LAMA2: variants seen among roughly 807,000 people sequenced by gnomAD.
LAMA2 encodes laminin subunit alpha-2.
LAMA2 carries 269 observed loss-of-function variants against 364.8 expected under a neutral mutation model. The ratio of observed to expected loss-of-function variants is 0.74; its 90% CI spans 0.67 to 0.82. The LOEUF is 0.82. Ranked by LOEUF, LAMA2 falls within the 40% of genes least tolerant of loss-of-function variation. The pLI is 0.00. For missense variants in LAMA2, 3,807 were observed against 3,873.2 expected, an observed-to-expected ratio of 0.98 and a Z score of 0.45; for synonymous variants, 1,379 against 1,370.6, an observed-to-expected ratio of 1.01 and a Z score of -0.14.
intron 1 of LAMA2, among the ~76,000 whole-genome samples, chr6:128,922,871 G>T (rs1365534549): frequency 8.5e-5 from 13 of 152,082 alleles, no homozygotes; most frequent in African/African-American, 2.9e-4. Flanking sequence ...AATCCATCTT[G>T]AATTGATTTT....
chr6:129,514,481 A>G lies in LAMA2; in HGVS notation c.9097A>G (p.Ile3033Val), dbSNP rs377631865. 1.8e-5 allele frequency: 29 copies of G among 1,613,964 alleles called. No homozygotes were observed. Among genetic ancestry groups the G allele is most frequent in the East Asian group, 1.3e-4 (6 of 44,882 alleles). ...ATGGCATAAAGTCACTGCCAACAAG[A>G]TCAAACACCGCATTGAGCTCACAGT... is the stretch of plus-strand genomic sequence containing the variant. ...GQWHKVTANKIKHRIELTVDG... is the reference protein window; with the variant it reads ...GQWHKVTANKVKHRIELTVDG... The change falls in exon 64 of 65, where the codon ATC (isoleucine) becomes GTC (valine). Residue 3033 changes from isoleucine to valine, a missense_variant. Ile to Val is a conservative substitution (Grantham distance 29). Transcript: ENST00000421865.
chr6:129,110,410 T>A (rs1776082699), intron 4 of LAMA2, among the ~76,000 whole-genome samples: 2 of 152,082 alleles, frequency 1.3e-5, no homozygotes, highest in South Asian at 4.1e-4. Flanking sequence ...CTAGATTTGC[T>A]GGTTATTATC....
At chr6:129,032,753 A>G (rs144784939) in intron 1 of LAMA2, among the ~76,000 whole-genome samples, 5 of 152,178 alleles carry the variant, frequency 3.3e-5, no homozygotes, top group Non-Finnish European at 7.4e-5. Context: ...GGCCCCAAGT[A>G]TTGGCAATGA....
intron 31 of LAMA2, among the ~76,000 whole-genome samples, chr6:129,351,901 G>A (rs1007552077): frequency 2.0e-5 from 3 of 152,122 alleles, no homozygotes; most frequent in African/African-American, 2.4e-5. Flanking sequence ...GTCACAAATC[G>A]TTTTCTTCAT....
At position 129,280,142 on chromosome 6, in the gene LAMA2, T is replaced by A; in HGVS notation, c.2532T>A (p.Cys844Ter). 6.2e-7 allele frequency: 1 copy of A among 1,601,890 alleles called. No homozygotes were observed. Among genetic ancestry groups the A allele is most frequent in the South Asian group, 1.1e-5 (1 of 90,850 alleles). Reference sequence around the variant, plus strand: ...CTGTCGGGTACACAGGACCACGCTGTGAGAGGTAAGAGTATACTACACTGT... The same window carrying A: ...CTGTCGGGTACACAGGACCACGCTGAGAGAGGTAAGAGTATACTACACTGT... ...GCPVGYTGPR[C>*]ERCAEGYFGQ... Residue 844 changes from cysteine (C) to a stop codon, truncating the protein, a stop_gained, in exon 18 of 65, where the codon TGT becomes TGA. Coordinates refer to ENST00000421865, the MANE Select transcript of LAMA2 (RefSeq NM_000426.4). LOFTEE classifies it high-confidence loss of function.
In LAMA2 at chr6:129,004,428, A is replaced by G. The variant is rs1196034166; in HGVS notation, c.113-45490A>G. On this transcript the variant is annotated intron_variant, in intron 1 of 64. Coordinates refer to ENST00000421865, the MANE Select transcript of LAMA2 (RefSeq NM_000426.4). ...TAATAAAAAAAAAAAAAAAAAAAAA[A>G]AAGAAGTATGATGACAAATGGTCAT... Among the ~76,000 whole-genome samples, 6 of 61,548 alleles carry G rather than the reference A, an allele frequency of 9.7e-5. 1 individual carries two copies. Among genetic ancestry groups the G allele is most frequent in the Non-Finnish European group, 1.5e-4 (5 of 32,890 alleles). 40.4% of individuals were successfully genotyped at this position (61,548 alleles called of 152,430 possible).
chr6:129,011,481 G>T (rs749169956), intron 1 of LAMA2, among the ~76,000 whole-genome samples: 3 of 152,136 alleles, frequency 2.0e-5, no homozygotes, highest in African/African-American at 2.4e-5. Context: ...AAATAACCGT[G>T]ACTTGTCCTT....
At chr6:129,167,539 A>C (rs1005339228) in intron 9 of LAMA2, among the ~76,000 whole-genome samples, 1 of 151,720 alleles carries the variant, frequency 6.6e-6, no homozygotes, top group Non-Finnish European at 1.5e-5. Context: ...TAAGTGCCAC[A>C]TTTTCTTAAT....
chr6:129,285,433 C>T, intron 18 of LAMA2, among the ~76,000 whole-genome samples: 1 of 152,158 alleles, frequency 6.6e-6, no homozygotes, highest in East Asian at 1.9e-4. Context: ...TTATTTTCCT[C>T]CTGAAATGAG....
chr6:129,281,478 T>C (rs1788714028), intron 18 of LAMA2, among the ~76,000 whole-genome samples: 1 of 152,182 alleles, frequency 6.6e-6, no homozygotes, highest in African/African-American at 2.4e-5. Flanking sequence ...TAGACAATAG[T>C]TTCTGAACCA....
chr6:129,227,335 A>T (rs1392953745), intron 12 of LAMA2, among the ~76,000 whole-genome samples: 1 of 152,122 alleles, frequency 6.6e-6, no homozygotes, highest in Non-Finnish European at 1.5e-5. Flanking sequence ...TCAACTCCTC[A>T]AAGTCATTCT....
Position 129,391,439 on chromosome 6 carries a change from T to C in LAMA2, c.5072-52T>C, listed in dbSNP as rs536393998. On this transcript the variant is annotated intron_variant, in intron 35 of 64. Transcript: ENST00000421865. Reference sequence around the variant, plus strand: ...CCAGCAGATGCTGAATACCATGTTTTCATGTGGCATGTTTGTTTACTAATT... The same window carrying C: ...CCAGCAGATGCTGAATACCATGTTTCCATGTGGCATGTTTGTTTACTAATT... The C allele has an allele frequency of 6.8e-5, 98 of 1,448,702 alleles. 1 individual carries two copies. In the South Asian group the frequency reaches 1.0e-3, roughly 16 times the overall value. 89.7% of individuals were successfully genotyped at this position (1,448,702 alleles called of 1,614,324 possible).
At chr6:129,089,798 G>C (rs938668488) in intron 3 of LAMA2, among the ~76,000 whole-genome samples, 8 of 152,186 alleles carry the variant, frequency 5.3e-5, no homozygotes, top group Non-Finnish European at 1.2e-4. Flanking sequence ...GCATTAATAA[G>C]CTGAGGGAGG....
At chr6:129,282,131 A>G (rs565557186) in intron 18 of LAMA2, among the ~76,000 whole-genome samples, 182 of 152,294 alleles carry the variant, frequency 1.2e-3, no homozygotes, top group Non-Finnish European at 1.6e-3. Context: ...CATTTCCCAA[A>G]TTGTAGATGT....
chr6:128,973,024 ATAAAT>A (rs969673006), intron 1 of LAMA2, among the ~76,000 whole-genome samples: 1 of 152,188 alleles, frequency 6.6e-6, no homozygotes, highest in African/African-American at 2.4e-5. Context: ...GTACAGAAAA[ATAAAT>A]TATAGATTAG....
At chr6:128,963,170 A>C (rs2114600251) in intron 1 of LAMA2, among the ~76,000 whole-genome samples, 1 of 152,146 alleles carries the variant, frequency 6.6e-6, no homozygotes, top group South Asian at 2.1e-4. Flanking sequence ...TAACTAGATA[A>C]TCGTTAAAGC....
chr6:129,265,887 A>G (rs1787477711), intron 15 of LAMA2, among the ~76,000 whole-genome samples: 1 of 152,088 alleles, frequency 6.6e-6, no homozygotes, highest in Admixed American at 6.6e-5. Context: ...AACAAATTTG[A>G]CACTTTTTTT....
intron 1 of LAMA2, among the ~76,000 whole-genome samples, chr6:129,036,393 T>G (rs1459982852): frequency 6.6e-6 from 1 of 152,172 alleles, no homozygotes; most frequent in East Asian, 1.9e-4. Context: ...AAGATGACAT[T>G]TGAATCCATA....
At chr6:128,955,430 A>C (rs544476992) in intron 1 of LAMA2, among the ~76,000 whole-genome samples, 1 of 151,980 alleles carries the variant, frequency 6.6e-6, no homozygotes, top group Non-Finnish European at 1.5e-5. Context: ...CCACTAGCCT[A>C]CATGGCCATT....
Sources: allele counts gnomAD v4.1 joint callset (sites outside exome capture counted in the v4.1 genomes callset), GRCh38; gene constraint gnomAD v4.1.1; transcripts MANE v1.5; gene names NCBI Gene and HGNC (gene_info 2026-07-23, HGNC 2026-07-21).